The following HIVEP3 variants were observed in gnomAD, a reference collection of about 807,000 sequenced individuals.
The protein encoded by HIVEP3 is HIVEP zinc finger 3, also known as transcription factor HIVEP3.
In HIVEP3, 49 loss-of-function variants were observed where a neutral mutation model predicts 152.8. The ratio of observed to expected loss-of-function variants is 0.32; its 90% confidence interval spans 0.26 to 0.41. The LOEUF (loss-of-function observed/expected upper bound fraction) is 0.41. Ranked by LOEUF, HIVEP3 falls within the 10% of genes least tolerant of loss-of-function variation. HIVEP3 has a pLI of 1.00. For synonymous variants in HIVEP3, 1,269 were observed against 1,289.0 expected, an observed-to-expected ratio of 0.98 and a Z score of 0.33; for missense variants, 2,790 against 3,103.3, an observed-to-expected ratio of 0.90 and a Z score of 2.40.
chr1:41,620,910 GTTC>G (rs766333407), intron 3 of HIVEP3, among the ~76,000 whole-genome samples: 28 of 152,206 alleles, frequency 1.8e-4, no homozygotes, highest in Non-Finnish European at 3.8e-4. Flanking sequence ...GCCTTGGCCT[GTTC>G]TTCTTCCACC....
At chr1:41,528,692 C>T (rs1403970669) in intron 5 of HIVEP3, among the ~76,000 whole-genome samples, 4 of 133,492 alleles carry the variant, frequency 3.0e-5, no homozygotes, top group Non-Finnish European at 4.8e-5. Flanking sequence ...CCTGCCCTCA[C>T]GTTCACCCTC....
Position 41,579,830 on chromosome 1 carries a change from T to G in HIVEP3, c.4968A>C (p.Lys1656Asn). The change falls in exon 4 of 9, where the codon AAA becomes AAC. Residue 1656 changes from lysine (K) to asparagine (N), a missense_variant. By Grantham distance (94) the Lys-to-Asn change is moderately conservative (BLOSUM62 0). Coordinates refer to ENST00000372583, the MANE Select transcript of HIVEP3 (RefSeq NM_024503.5). ...CCATGGTGTATGTCTCTTTGCTCAC[T>G]TTCTGCTTAGACCTCAGGAGGGACA... ...AALSLLRSKQ[K>N]VSKETYTMAT... The G allele has an allele frequency of 6.2e-7, 1 of 1,614,036 alleles. No homozygotes were observed. Among genetic ancestry groups the G allele is most frequent in the Admixed American group, 1.7e-5 (1 of 60,024 alleles).
chr1:41,543,014 G>A (rs780423941), intron 5 of HIVEP3: 10 of 152,220 alleles, frequency 6.6e-5, no homozygotes, highest in Non-Finnish European at 1.5e-4. Flanking sequence ...AAAGGGGTTT[G>A]CTTATCTGCA....
chr1:41,596,803 T>A (rs1644672136), intron 3 of HIVEP3, among the ~76,000 whole-genome samples: 1 of 152,164 alleles, frequency 6.6e-6, no homozygotes, highest in South Asian at 2.1e-4. Flanking sequence ...AGGGCCCTGA[T>A]CTTGGTCAGA....
Position 41,512,748 on chromosome 1 carries a change from G to A in HIVEP3, c.6405+68C>T, listed in dbSNP as rs1642467847. On this transcript the variant is annotated intron_variant, in intron 8 of 8. Transcript: ENST00000372583. Reference sequence around the variant, plus strand: ...TTAGTTCCAGGTGTGATACCCAGGAGGGTGTGAACTTGCAACCCCTGCACC... The same window carrying A: ...TTAGTTCCAGGTGTGATACCCAGGAAGGTGTGAACTTGCAACCCCTGCACC... 3.2e-6 allele frequency: 4 copies of A among 1,265,194 alleles called. No individual in the cohort carries two copies. The East Asian group carries it at 7.7e-5, about 24-fold the overall frequency. The allele number at this position is 1,265,194 out of a possible 1,614,324, so 78.4% of individuals were successfully genotyped here.
chr1:41,801,742 TG>T (rs1260372171), intron 1 of HIVEP3, among the ~76,000 whole-genome samples: 1 of 150,910 alleles, frequency 6.6e-6, no homozygotes, highest in Non-Finnish European at 1.5e-5. Flanking sequence ...AGACTCCATC[TG>T]AAAAAAATAA....
intron 1 of HIVEP3, among the ~76,000 whole-genome samples, chr1:42,013,986 GA>G (rs1645507148): frequency 6.6e-6 from 1 of 152,198 alleles, no homozygotes; most frequent in African/African-American, 2.4e-5. Context: ...CAGCATCCGG[GA>G]AGATGCACCC....
intron 1 of HIVEP3, among the ~76,000 whole-genome samples, chr1:41,756,413 CCTA>C (rs1647309411): frequency 2.6e-5 from 4 of 152,164 alleles, no homozygotes; most frequent in Admixed American, 2.6e-4. Flanking sequence ...GACCTGTATG[CCTA>C]CTACAATACA....
chr1:41,672,169 C>T (rs1394011645), intron 2 of HIVEP3, among the ~76,000 whole-genome samples: 1 of 152,182 alleles, frequency 6.6e-6, no homozygotes, highest in Non-Finnish European at 1.5e-5. Flanking sequence ...TGTTGACTTC[C>T]TCCATGGTTT....
chr1:41,771,482 G>A (rs1570501352), intron 1 of HIVEP3, among the ~76,000 whole-genome samples: 1 of 152,192 alleles, frequency 6.6e-6, no homozygotes, highest in African/African-American at 2.4e-5. Flanking sequence ...CAATGGGAAA[G>A]CAGTTTAGGT....
At chr1:41,821,941 C>A (rs1010714496) in intron 1 of HIVEP3, among the ~76,000 whole-genome samples, 1 of 152,178 alleles carries the variant, frequency 6.6e-6, no homozygotes, top group Non-Finnish European at 1.5e-5. Context: ...GATGCACAGG[C>A]CATTTTGATG....
intron 1 of HIVEP3, among the ~76,000 whole-genome samples, chr1:41,977,482 A>C (rs1645266719): frequency 6.6e-6 from 1 of 152,110 alleles, no homozygotes; most frequent in Non-Finnish European, 1.5e-5. Context: ...CCGCCGGTGG[A>C]GGGAGCAGGT....
chr1:41,640,992 A>C (rs974601148), intron 2 of HIVEP3, among the ~76,000 whole-genome samples: 1 of 152,222 alleles, frequency 6.6e-6, no homozygotes, highest in Non-Finnish European at 1.5e-5. Context: ...CAAGAGCAAG[A>C]GTGCACGCCC....
chr1:41,917,761 A>C (rs1049028956), intron 1 of HIVEP3, among the ~76,000 whole-genome samples: 9 of 151,668 alleles, frequency 5.9e-5, no homozygotes, highest in African/African-American at 2.2e-4. Context: ...ATAGAATAGG[A>C]GTTTGGTTTG....
At chr1:41,633,995 C>G (rs1645234177) in intron 2 of HIVEP3, among the ~76,000 whole-genome samples, 1 of 152,090 alleles carries the variant, frequency 6.6e-6, no homozygotes. Context: ...GCATCATTTA[C>G]AACAGGGCAG....
At chr1:41,609,028 G>A (rs1385765081) in intron 3 of HIVEP3, among the ~76,000 whole-genome samples, 1 of 151,686 alleles carries the variant, frequency 6.6e-6, no homozygotes. Flanking sequence ...AGGTTGCAGT[G>A]AGCCTGGGCA....
intron 2 of HIVEP3, among the ~76,000 whole-genome samples, chr1:41,652,767 A>C (rs1188998077): frequency 6.6e-6 from 1 of 152,052 alleles, no homozygotes; most frequent in Non-Finnish European, 1.5e-5. Flanking sequence ...GGTGCTGGCA[A>C]CTCTATGTGT....
intron 2 of HIVEP3, among the ~76,000 whole-genome samples, chr1:41,684,451 T>C (rs994401438): frequency 1.3e-5 from 2 of 152,194 alleles, no homozygotes; most frequent in South Asian, 2.1e-4. Context: ...TACAGTCCCA[T>C]GGTGCTGCCC....
chr1:41,997,675 T>C (rs930595268), intron 1 of HIVEP3, among the ~76,000 whole-genome samples: 3 of 152,170 alleles, frequency 2.0e-5, no homozygotes, highest in Admixed American at 6.5e-5. Context: ...CAAAACACCA[T>C]ATAACATGAA....
Sources: allele counts gnomAD v4.1 joint callset (sites outside exome capture counted in the v4.1 genomes callset), GRCh38; gene constraint gnomAD v4.1.1; transcripts MANE v1.5; gene names NCBI Gene and HGNC (gene_info 2026-07-23, HGNC 2026-07-21).